The following ARHGAP24 variants were observed in gnomAD, a reference collection of about 807,000 sequenced individuals.
ARHGAP24 encodes the protein Rho GTPase activating protein 24, also known as rho GTPase-activating protein 24.
In ARHGAP24, 50 loss-of-function variants were observed where a neutral mutation model predicts 76.4. That is an observed-to-expected ratio of 0.65 (90% CI 0.52 to 0.83). The LOEUF (loss-of-function observed/expected upper bound fraction) is 0.83, where lower values mean the gene tolerates loss of function less well. Among genes scored for constraint, ARHGAP24 ranks in the 40% least tolerant of loss-of-function variants. ARHGAP24 has a pLI of 0.00. For missense variants in ARHGAP24, 930 were observed against 914.2 expected (o/e 1.02, Z -0.22); for synonymous variants, 345 against 323.3 (o/e 1.07, Z -0.72).
intron 3 of ARHGAP24, among the ~76,000 whole-genome samples, chr4:85,800,601 G>A (rs1447396283): frequency 2.0e-5 from 3 of 151,902 alleles, no homozygotes; most frequent in Non-Finnish European, 4.4e-5. Flanking sequence ...GAAGAAAAAA[G>A]AGGAGGAGGA....
chr4:85,586,484 C>T (rs1476573238), intron 2 of ARHGAP24, among the ~76,000 whole-genome samples: 1 of 152,142 alleles, frequency 6.6e-6, no homozygotes, highest in African/African-American at 2.4e-5. Flanking sequence ...GTATGCTAAT[C>T]CCTATATTTC....
intron 3 of ARHGAP24, among the ~76,000 whole-genome samples, chr4:85,914,047 A>G (rs1167653470): frequency 6.6e-6 from 1 of 152,238 alleles, no homozygotes; most frequent in Non-Finnish European, 1.5e-5. Flanking sequence ...TCTTCAATAC[A>G]TGAAGCTCAC....
chr4:85,897,077 C>T (rs906591705), intron 3 of ARHGAP24, among the ~76,000 whole-genome samples: 1 of 152,154 alleles, frequency 6.6e-6, no homozygotes. Flanking sequence ...CATGGGCCTT[C>T]TTTCTTTGTC....
chr4:85,971,535 G>C (rs1252647815), intron 5 of ARHGAP24, among the ~76,000 whole-genome samples: 1 of 152,012 alleles, frequency 6.6e-6, no homozygotes, highest in Non-Finnish European at 1.5e-5. Flanking sequence ...GAGATATTGT[G>C]GTACAGGCCT....
chr4:85,496,964 G>A (rs1723607866), intron 1 of ARHGAP24, among the ~76,000 whole-genome samples: 1 of 152,246 alleles, frequency 6.6e-6, no homozygotes, highest in Admixed American at 6.5e-5. Context: ...AAGGAAGGAA[G>A]TCATTTTGGG....
intron 3 of ARHGAP24, among the ~76,000 whole-genome samples, chr4:85,906,674 A>G (rs926215279): frequency 6.6e-6 from 1 of 152,206 alleles, no homozygotes; most frequent in African/African-American, 2.4e-5. Flanking sequence ...ACAGAAATAA[A>G]TAGTGGATCT....
chr4:85,833,364 T>C (rs1221586683), intron 3 of ARHGAP24, among the ~76,000 whole-genome samples: 1 of 152,160 alleles, frequency 6.6e-6, no homozygotes, highest in Non-Finnish European at 1.5e-5. Flanking sequence ...AAGGTTTTTC[T>C]TTAGGTCTCT....
intron 2 of ARHGAP24, among the ~76,000 whole-genome samples, chr4:85,628,819 G>A (rs758415817): frequency 2.0e-5 from 3 of 152,050 alleles, no homozygotes; most frequent in African/African-American, 4.8e-5. Context: ...CTGCTCTCTG[G>A]TAATACATTT....
At chr4:85,490,952 T>C (rs1723330523) in intron 1 of ARHGAP24, among the ~76,000 whole-genome samples, 1 of 152,208 alleles carries the variant, frequency 6.6e-6, no homozygotes, top group African/African-American at 2.4e-5. Flanking sequence ...CCAACACAAA[T>C]GCTTCTTTCT....
intron 3 of ARHGAP24, among the ~76,000 whole-genome samples, chr4:85,740,846 A>G (rs1725795949): frequency 6.6e-6 from 1 of 152,210 alleles, no homozygotes; most frequent in African/African-American, 2.4e-5. Context: ...TTATAGATGC[A>G]GCTCAGTAGT....
chr4:85,825,442 GA>G (rs989478757), intron 3 of ARHGAP24, among the ~76,000 whole-genome samples: 3 of 152,080 alleles, frequency 2.0e-5, no homozygotes, highest in East Asian at 1.9e-4. Context: ...CACTACAGTT[GA>G]AAAAAAGTGT....
Position 85,570,317 on chromosome 4 carries a change from C to CTCTT in ARHGAP24, c.-20-201_-20-198dup, listed in dbSNP as rs573600480. 6.5e-3 allele frequency among the ~76,000 whole-genome samples: 991 copies of CTCTT among 151,994 alleles called. 13 individuals are homozygous for CTCTT. The highest frequency in any genetic ancestry group is 0.023 in the African/African-American group (946 of 41,410). On this transcript the variant is annotated intron_variant, in intron 1 of 9. Coordinates refer to ENST00000395184, the MANE Select transcript of ARHGAP24 (RefSeq NM_001025616.3). ...TACTTCCCTTGCTCTCTCTCTCTTT[C>CTCTT]TCTTTCTCTCTCTCTCTTTCTTTTT...
chr4:85,917,241 C>G (rs1413321812), intron 3 of ARHGAP24, among the ~76,000 whole-genome samples: 2 of 152,044 alleles, frequency 1.3e-5, no homozygotes, highest in Admixed American at 1.3e-4. Flanking sequence ...AGGACATGAA[C>G]TCATCATTTT....
At chr4:85,841,591 T>C (rs888943184) in intron 3 of ARHGAP24, among the ~76,000 whole-genome samples, 1 of 152,232 alleles carries the variant, frequency 6.6e-6, no homozygotes, top group African/African-American at 2.4e-5. Context: ...TGTTTATTTA[T>C]TTTCATTTGT....
chr4:85,899,908 A>T (rs1734399746), intron 3 of ARHGAP24, among the ~76,000 whole-genome samples: 2 of 152,208 alleles, frequency 1.3e-5, no homozygotes, highest in Non-Finnish European at 2.9e-5. Flanking sequence ...AGTAATTCAT[A>T]TTCATTAAGA....
At chr4:85,894,311 G>C (rs1734014273) in intron 3 of ARHGAP24, among the ~76,000 whole-genome samples, 1 of 152,094 alleles carries the variant, frequency 6.6e-6, no homozygotes, top group Non-Finnish European at 1.5e-5. Context: ...TCTTCAGAAA[G>C]AGTCTCACAC....
chr4:85,697,131 T>C (rs1431598457), intron 2 of ARHGAP24, among the ~76,000 whole-genome samples: 1 of 152,238 alleles, frequency 6.6e-6, no homozygotes, highest in Admixed American at 6.5e-5. Context: ...TTTCCATTAG[T>C]CAACTGGCAT....
intron 3 of ARHGAP24, among the ~76,000 whole-genome samples, chr4:85,771,329 T>C (rs570233198): frequency 6.6e-6 from 1 of 152,352 alleles, no homozygotes; most frequent in East Asian, 1.9e-4. Flanking sequence ...AATCCCAGTC[T>C]GAGTCTGAGG....
chr4:85,625,751 G>A (rs1056721763), intron 2 of ARHGAP24, among the ~76,000 whole-genome samples: 2 of 152,140 alleles, frequency 1.3e-5, no homozygotes, highest in Non-Finnish European at 2.9e-5. Context: ...GAATCTGGGT[G>A]CTCCTGTATT....
Sources: gnomAD v4.1 joint callset for allele counts (sites outside exome capture counted in the v4.1 genomes callset) on GRCh38, gnomAD v4.1.1 for gene constraint, MANE v1.5 for transcripts, NCBI Gene and HGNC (gene_info 2026-07-23, HGNC 2026-07-21) for gene names.